Variants in SH3D19 observed in about 807,000 individuals in gnomAD.
SH3D19 encodes SH3 domain-containing protein 19.
A neutral mutation model predicts 112.1 loss-of-function variants in SH3D19; 58 were observed. That is an observed-to-expected ratio of 0.52 (90% CI 0.42 to 0.64). The LOEUF is 0.64. Ranked by LOEUF, SH3D19 falls within the 30% of genes least tolerant of loss-of-function variation. SH3D19 has a pLI of 0.00. For synonymous variants in SH3D19, 391 were observed against 448.5 expected (o/e 0.87, Z 1.62); for missense variants, 1,090 against 1,263.4 (o/e 0.86, Z 2.08).
At position 151,175,679 on chromosome 4, in the gene SH3D19, C is replaced by T. The variant is rs1047520311; in HGVS notation, c.530-5G>A. On this transcript the variant is annotated splice_region_variant and splice_polypyrimidine_tract_variant and intron_variant, in intron 6 of 19. Transcript: ENST00000604030. ...GCTTGAGAGGTGCCTGTAGTGCTGA[C>T]GAGACCAAAACAAAACCAAAACAAA... 18 of 1,246,378 alleles carry T rather than the reference C, an allele frequency of 1.4e-5. No individual in the cohort carries two copies. The highest frequency in any genetic ancestry group is 3.1e-4 in the Middle Eastern group (1 of 3,268). 77.2% of individuals were successfully genotyped at this position (1,246,378 alleles called of 1,614,324 possible).
At chr4:151,254,320 T>TA (rs1771641645) in intron 1 of SH3D19, among the ~76,000 whole-genome samples, 2 of 150,950 alleles carry the variant, frequency 1.3e-5, no homozygotes, top group Non-Finnish European at 3.0e-5. Flanking sequence ...TTTATTTATT[T>TA]TTTAAATTTA....
chr4:151,296,700 T>C (rs1308484043), intron 1 of SH3D19, among the ~76,000 whole-genome samples: 1 of 152,226 alleles, frequency 6.6e-6, no homozygotes, highest in African/African-American at 2.4e-5. Flanking sequence ...GATTTTAATA[T>C]GCTTCAATTT....
In SH3D19 at chr4:151,319,462, G is replaced by A; in HGVS notation, c.112+5779C>T. ...TCTCAAAATAAATTAGACAACTTTG[G>A]AATTCTAATAACAAAAAACAGTAAG... On this transcript the variant is annotated intron_variant, in intron 1 of 19. Transcript: ENST00000604030. Among the ~76,000 whole-genome samples, 2 of 152,132 alleles carry A rather than the reference G, an allele frequency of 1.3e-5. 1 individual carries two copies. The highest frequency in any genetic ancestry group is 2.9e-5 in the Non-Finnish European group (2 of 68,014).
intron 1 of SH3D19, among the ~76,000 whole-genome samples, chr4:151,298,617 G>T (rs1187754721): frequency 6.8e-6 from 1 of 147,690 alleles, no homozygotes. Context: ...GAGTTCAGAA[G>T]AGAGGGCAGG....
intron 1 of SH3D19, among the ~76,000 whole-genome samples, chr4:151,238,695 T>C (rs1173997672): frequency 6.6e-6 from 1 of 152,014 alleles, no homozygotes; most frequent in Non-Finnish European, 1.5e-5. Context: ...GACTTCTAAC[T>C]GAGATTTTTA....
chr4:151,166,684 C>T (rs1758086032), intron 7 of SH3D19, among the ~76,000 whole-genome samples: 1 of 152,094 alleles, frequency 6.6e-6, no homozygotes, highest in South Asian at 2.1e-4. Flanking sequence ...CGGGGAGATA[C>T]TCTCTATAAA....
At position 151,232,174 on chromosome 4, in the gene SH3D19, ACT is replaced by A. The variant is rs949489240; in HGVS notation, c.113-6090_113-6089del. ...ACTCCAGCCTGGGGGATGGAGGAAGACTCTGTCTCAAAAAAGAATTTATGTTT... is the reference window on the plus strand; with the variant it reads ...ACTCCAGCCTGGGGGATGGAGGAAGACTGTCTCAAAAAAGAATTTATGTTT... On this transcript the variant is annotated intron_variant, in intron 1 of 19. Coordinates refer to ENST00000604030, the MANE Select transcript of SH3D19 (RefSeq NM_001378122.1). Among the ~76,000 whole-genome samples, 4 of 152,194 alleles carry A rather than the reference ACT, an allele frequency of 2.6e-5. No homozygotes were observed. The South Asian group carries it at 6.2e-4, about 24-fold the overall frequency.
chr4:151,122,083 C>T lies in SH3D19; in HGVS notation c.*8G>A. On this transcript the variant is annotated 3_prime_UTR_variant, in exon 20 of 20. Coordinates refer to ENST00000604030, the MANE Select transcript of SH3D19 (RefSeq NM_001378122.1). ...TCTTGTGCCAAGGAACACAGACAAG[C>T]TTCTCCTCTAGCTGATCTGTAGAAA... is the stretch of plus-strand genomic sequence containing the variant. 7.1e-7 allele frequency: 1 copy of T among 1,408,510 alleles called. No homozygotes were observed. The highest frequency in any genetic ancestry group is 1.0e-6 in the Non-Finnish European group (1 of 996,034). 87.3% of individuals were successfully genotyped at this position (1,408,510 alleles called of 1,614,324 possible).
intron 1 of SH3D19, among the ~76,000 whole-genome samples, chr4:151,248,239 C>T (rs560440318): frequency 6.6e-6 from 1 of 152,236 alleles, no homozygotes; most frequent in South Asian, 2.1e-4. Flanking sequence ...GCTGGGATTA[C>T]AGGTGTAAGT....
At chr4:151,293,083 G>A (rs1406166041) in intron 1 of SH3D19, among the ~76,000 whole-genome samples, 2 of 152,010 alleles carry the variant, frequency 1.3e-5, no homozygotes, top group Non-Finnish European at 2.9e-5. Flanking sequence ...TCCCATCACT[G>A]CACTCCAGCC....
chr4:151,318,300 C>CAAAAAAAA (rs752720803), intron 1 of SH3D19, among the ~76,000 whole-genome samples: 49 of 53,416 alleles, frequency 9.2e-4, no homozygotes, highest in Admixed American at 1.5e-3. Context: ...GACTCTGACT[C>CAAAAAAAA]AAAAAAAAAA....
chr4:151,308,192 C>T (rs1251644771), intron 1 of SH3D19, among the ~76,000 whole-genome samples: 1 of 152,220 alleles, frequency 6.6e-6, no homozygotes, highest in Non-Finnish European at 1.5e-5. Flanking sequence ...AAGCATGAGC[C>T]ACCATGCCCA....
chr4:151,257,247 C>T (rs1398987935), intron 1 of SH3D19, among the ~76,000 whole-genome samples: 1 of 152,044 alleles, frequency 6.6e-6, no homozygotes, highest in Non-Finnish European at 1.5e-5. Context: ...GTCACCATGC[C>T]CGGCTAATTT....
chr4:151,122,526 C>CACACAT (rs1748184450), intron 19 of SH3D19, among the ~76,000 whole-genome samples: 1 of 151,724 alleles, frequency 6.6e-6, no homozygotes, highest in African/African-American at 2.4e-5. Flanking sequence ...CACACACACA[C>CACACAT]ACACACACAC....
intron 1 of SH3D19, among the ~76,000 whole-genome samples, chr4:151,248,114 CTT>C (rs59021784): frequency 2.0e-5 from 3 of 151,190 alleles, no homozygotes; most frequent in African/African-American, 7.3e-5. Flanking sequence ...TAATGTTTTA[CTT>C]TTTTTTTTTT....
At chr4:151,222,655 G>GTCTCTCTCTCTC (rs34787298) in intron 2 of SH3D19, among the ~76,000 whole-genome samples, 17 of 92,996 alleles carry the variant, frequency 1.8e-4, no homozygotes, top group East Asian at 1.1e-3. Context: ...TATCTCTTTG[G>GTCTCTCTCTCTC]TCTCTCTCTC....
chr4:151,129,401 G>A (rs192309974), intron 17 of SH3D19, among the ~76,000 whole-genome samples: 7 of 152,022 alleles, frequency 4.6e-5, no homozygotes, highest in Non-Finnish European at 7.4e-5. Flanking sequence ...ATGGAGTCTC[G>A]CTCTGTTGCC....
intron 2 of SH3D19, among the ~76,000 whole-genome samples, chr4:151,189,365 G>A (rs533364482): frequency 4.1e-4 from 62 of 152,018 alleles, no homozygotes; most frequent in Admixed American, 1.0e-3. Context: ...TGCCCGCCTC[G>A]GCCTCCCAAA....
rs150457249 is a variant in SH3D19 at position 151,222,071 on chromosome 4, T to G, written c.152+3976A>C. Reference sequence around the variant, plus strand: ...ATTTTTATTTCCAGCGCTAGCTTATTTAGCTTTTCTTTGACAGCATTACTT... The same window carrying G: ...ATTTTTATTTCCAGCGCTAGCTTATGTAGCTTTTCTTTGACAGCATTACTT... On this transcript the variant is annotated intron_variant, in intron 2 of 19. Coordinates refer to ENST00000604030, the MANE Select transcript of SH3D19 (RefSeq NM_001378122.1). Among the ~76,000 whole-genome samples the G allele has an allele frequency of 2.1e-3, 323 of 152,368 alleles. 1 individual carries two copies. The highest frequency in any genetic ancestry group is 7.5e-3 in the African/African-American group (312 of 41,590).
Sources: allele counts gnomAD v4.1 joint callset (sites outside exome capture counted in the v4.1 genomes callset), GRCh38; gene constraint gnomAD v4.1.1; transcripts MANE v1.5; gene names NCBI Gene and HGNC (gene_info 2026-07-23, HGNC 2026-07-21).